Variants in CADM2 observed in about 807,000 individuals in gnomAD.
CADM2 encodes immunoglobulin superfamily member 4D.
In CADM2, 12 loss-of-function variants were observed where a neutral mutation model predicts 49.8. That is an observed-to-expected ratio of 0.24 (90% CI 0.15 to 0.39). The LOEUF is 0.39. Ranked by LOEUF, CADM2 falls within the 10% of genes least tolerant of loss-of-function variation. The pLI, the probability that CADM2 is intolerant of heterozygous loss-of-function variation, is 1.00. For missense variants in CADM2, 378 were observed against 492.3 expected (o/e 0.77, Z 2.20); for synonymous variants, 214 against 175.4 (o/e 1.22, Z -1.74).
chr3:85,845,155 C>T (rs919392450), intron 3 of CADM2, among the ~76,000 whole-genome samples: 15 of 88,070 alleles, frequency 1.7e-4, no homozygotes, highest in African/African-American at 4.6e-4. Flanking sequence ...GACTTAGTCA[C>T]AAAAAAAAAA....
At chr3:85,333,771 G>A (rs905550058) in intron 1 of CADM2, among the ~76,000 whole-genome samples, 10 of 151,600 alleles carry the variant, frequency 6.6e-5, no homozygotes, top group African/African-American at 1.7e-4. Context: ...TATTATAGAG[G>A]CTTATCATTA....
chr3:85,759,556 G>A (rs2069277202), intron 2 of CADM2, among the ~76,000 whole-genome samples: 1 of 152,018 alleles, frequency 6.6e-6, no homozygotes, highest in Admixed American at 6.6e-5. Flanking sequence ...TTTATTTCAA[G>A]CTTAGCATGG....
At position 85,695,918 on chromosome 3, in the gene CADM2, A is replaced by AT. The variant is rs879346483; in HGVS notation, c.62-30596dup. Among the ~76,000 whole-genome samples, 28 of 151,862 alleles carry AT rather than the reference A, an allele frequency of 1.8e-4. 1 individual carries two copies. The highest frequency in any genetic ancestry group is 5.8e-4 in the East Asian group (3 of 5,170). On this transcript the variant is annotated intron_variant, in intron 1 of 9. Coordinates refer to ENST00000383699, the MANE Select transcript of CADM2 (RefSeq NM_001167675.2). Reference sequence around the variant, plus strand: ...TGTTCACAGCACAATGCCAACATCAATTTTTTTTCTTTTTAGTAATAGCCA... The same window carrying AT: ...TGTTCACAGCACAATGCCAACATCAATTTTTTTTTCTTTTTAGTAATAGCCA...
chr3:85,918,908 TATAA>T (rs1172905828), intron 6 of CADM2, among the ~76,000 whole-genome samples: 1 of 152,072 alleles, frequency 6.6e-6, no homozygotes, highest in Non-Finnish European at 1.5e-5. Flanking sequence ...TAAATCTCAG[TATAA>T]ATAATGTATC....
At chr3:85,843,289 C>T (rs1443637585) in intron 3 of CADM2, among the ~76,000 whole-genome samples, 2 of 152,006 alleles carry the variant, frequency 1.3e-5, no homozygotes, top group African/African-American at 4.8e-5. Context: ...GCATGGGAAT[C>T]AATAGCAGAA....
chr3:85,795,368 T>C (rs1018288535), intron 2 of CADM2, among the ~76,000 whole-genome samples: 1 of 152,172 alleles, frequency 6.6e-6, no homozygotes, highest in African/African-American at 2.4e-5. Context: ...AGCTTTTGAA[T>C]TGATTTTGGA....
chr3:85,532,692 A>G (rs1559891638), intron 1 of CADM2, among the ~76,000 whole-genome samples: 1 of 152,234 alleles, frequency 6.6e-6, no homozygotes, highest in Non-Finnish European at 1.5e-5. Flanking sequence ...TCGTTCTATT[A>G]TAAAGATAAA....
chr3:85,903,901 A>ATTGTT (rs965682811), intron 5 of CADM2, among the ~76,000 whole-genome samples: 4 of 151,866 alleles, frequency 2.6e-5, no homozygotes, highest in Admixed American at 1.3e-4. Context: ...GCTGGGCTTT[A>ATTGTT]TTGTTTTGTT....
intron 1 of CADM2, among the ~76,000 whole-genome samples, chr3:85,621,886 A>G (rs558112285): frequency 6.6e-6 from 1 of 152,310 alleles, no homozygotes; most frequent in Non-Finnish European, 1.5e-5. Context: ...ACAAGGTGAA[A>G]AGTGAGTAAA....
intron 1 of CADM2, among the ~76,000 whole-genome samples, chr3:85,391,040 A>C (rs2034494199): frequency 6.6e-6 from 1 of 152,018 alleles, no homozygotes. Flanking sequence ...TTTAATGTAC[A>C]GTTGAACAAG....
intron 1 of CADM2, among the ~76,000 whole-genome samples, chr3:85,300,731 A>G (rs990444534): frequency 1.3e-5 from 2 of 152,094 alleles, no homozygotes; most frequent in East Asian, 1.9e-4. Context: ...ACAGAAGCAT[A>G]TGTGCACAGA....
chr3:85,658,619 CAT>C (rs1365540763), intron 1 of CADM2, among the ~76,000 whole-genome samples: 5 of 51,086 alleles, frequency 9.8e-5, no homozygotes, highest in Non-Finnish European at 2.0e-4. Context: ...TATATATATA[CAT>C]GTATGCATAT....
At chr3:85,551,466 A>G (rs1319602536) in intron 1 of CADM2, among the ~76,000 whole-genome samples, 1 of 152,144 alleles carries the variant, frequency 6.6e-6, no homozygotes, top group African/African-American at 2.4e-5. Context: ...TACCCTAAGT[A>G]GCCTTTGATC....
At chr3:85,054,732 A>G (rs2036013582) in intron 1 of CADM2, among the ~76,000 whole-genome samples, 1 of 151,960 alleles carries the variant, frequency 6.6e-6, no homozygotes, top group Non-Finnish European at 1.5e-5. Context: ...TTTGGCCAGC[A>G]AATGTACAGA....
At chr3:84,965,104 G>T (rs2030876461) in intron 1 of CADM2, among the ~76,000 whole-genome samples, 1 of 152,014 alleles carries the variant, frequency 6.6e-6, no homozygotes, top group Admixed American at 6.6e-5. Flanking sequence ...AAAAAATGAA[G>T]GACACAATTT....
chr3:85,732,320 T>C (rs1559620046), intron 2 of CADM2, among the ~76,000 whole-genome samples: 1 of 151,850 alleles, frequency 6.6e-6, no homozygotes, highest in Non-Finnish European at 1.5e-5. Context: ...AGCTACAAAA[T>C]CTTCATAAAA....
intron 3 of CADM2, among the ~76,000 whole-genome samples, chr3:85,812,479 T>A (rs772564965): frequency 1.1e-4 from 16 of 152,166 alleles, no homozygotes; most frequent in Non-Finnish European, 2.1e-4. Flanking sequence ...TGAATAGACT[T>A]TTAATCAGGA....
chr3:85,890,695 T>C (rs11919871), intron 5 of CADM2, among the ~76,000 whole-genome samples: 5,834 of 151,804 alleles, frequency 0.038, 372 homozygotes, highest in African/African-American at 0.13. Flanking sequence ...AGAAAGACTT[T>C]TTTTTTTCTT....
At chr3:85,421,352 A>G (rs954043526) in intron 1 of CADM2, among the ~76,000 whole-genome samples, 2 of 152,130 alleles carry the variant, frequency 1.3e-5, no homozygotes, top group Non-Finnish European at 2.9e-5. Context: ...AAGTGTTTCT[A>G]TTTTTAAGAG....
Sources: allele counts gnomAD v4.1 joint callset (sites outside exome capture counted in the v4.1 genomes callset), GRCh38; gene constraint gnomAD v4.1.1; transcripts MANE v1.5; gene names NCBI Gene and HGNC (gene_info 2026-07-23, HGNC 2026-07-21).